The following INPP5A variants were observed in gnomAD, a reference collection of about 807,000 sequenced individuals.
The protein encoded by INPP5A is 43 kDa inositol polyphosphate 5-phophatase.
In INPP5A, 14 loss-of-function variants were observed where a neutral mutation model predicts 65.2. The ratio of observed to expected loss-of-function variants is 0.21; its 90% CI spans 0.14 to 0.34. INPP5A has a LOEUF of 0.34. Ranked by LOEUF, INPP5A falls within the 10% of genes least tolerant of loss-of-function variation. INPP5A has a pLI of 1.00. For synonymous variants in INPP5A, 207 were observed against 208.3 expected (o/e 0.99, Z 0.05); for missense variants, 431 against 545.6 (o/e 0.79, Z 2.09).
intron 4 of INPP5A, among the ~76,000 whole-genome samples, chr10:132,680,807 C>G (rs1173930507): frequency 6.6e-6 from 1 of 152,258 alleles, no homozygotes; most frequent in South Asian, 2.1e-4. Flanking sequence ...CCAGCAGCTG[C>G]GGAGGGTGTA....
intron 2 of INPP5A, among the ~76,000 whole-genome samples, chr10:132,639,308 C>CTT (rs201064482): frequency 7.1e-6 from 1 of 140,518 alleles, no homozygotes; most frequent in Non-Finnish European, 1.6e-5. Flanking sequence ...TCTGGGTTGA[C>CTT]TTTTTTTTTT....
intron 2 of INPP5A, among the ~76,000 whole-genome samples, chr10:132,622,227 G>A (rs1361778263): frequency 6.6e-6 from 1 of 152,364 alleles, no homozygotes; most frequent in Admixed American, 6.5e-5. Context: ...AAGAATCAGA[G>A]AAGATATAAA....
intron 12 of INPP5A, among the ~76,000 whole-genome samples, chr10:132,775,393 TCACTGCTG>T (rs1301179920): frequency 6.6e-6 from 1 of 152,024 alleles, no homozygotes; most frequent in Non-Finnish European, 1.5e-5. Context: ...CCCACGTCAG[TCACTGCTG>T]GGCAGCGTCC....
intron 9 of INPP5A, among the ~76,000 whole-genome samples, chr10:132,733,710 G>A (rs571630205): frequency 2.6e-5 from 4 of 152,290 alleles, no homozygotes; most frequent in Admixed American, 6.5e-5. Flanking sequence ...TGTGCTGAAC[G>A]CTGATGCCGG....
chr10:132,582,435 T>A (rs1234728733), intron 1 of INPP5A, among the ~76,000 whole-genome samples: 2 of 140,246 alleles, frequency 1.4e-5, no homozygotes, highest in African/African-American at 2.5e-5. Context: ...TTTTTTTTTT[T>A]AAAGAGACAG....
At chr10:132,763,542 CACAT>C in intron 11 of INPP5A, among the ~76,000 whole-genome samples, 2 of 152,340 alleles carry the variant, frequency 1.3e-5, no homozygotes, top group South Asian at 2.1e-4. Context: ...CATGCACACA[CACAT>C]AAACATGTGC....
At chr10:132,737,648 G>A (rs536355954) in intron 9 of INPP5A, among the ~76,000 whole-genome samples, 4 of 152,346 alleles carry the variant, frequency 2.6e-5, no homozygotes, top group Non-Finnish European at 4.4e-5. Context: ...CTTCCCTGAG[G>A]GTGGAGGTCA....
intron 9 of INPP5A, among the ~76,000 whole-genome samples, chr10:132,735,278 TC>T (rs1846156433): frequency 6.6e-6 from 1 of 152,210 alleles, no homozygotes; most frequent in African/African-American, 2.4e-5. Flanking sequence ...ATCTGTGCCC[TC>T]CTCTGGGGTG....
chr10:132,590,337 G>A (rs540250787), intron 1 of INPP5A, among the ~76,000 whole-genome samples: 173 of 152,248 alleles, frequency 1.1e-3, no homozygotes, highest in African/African-American at 3.9e-3. Context: ...GTTCTGTGTG[G>A]GGAGGGACAG....
chr10:132,692,123 C>T (rs1845278839), intron 5 of INPP5A, among the ~76,000 whole-genome samples: 1 of 152,042 alleles, frequency 6.6e-6, no homozygotes, highest in African/African-American at 2.4e-5. Context: ...CTGAGAAGGA[C>T]TCAAAAAGAA....
chr10:132,756,695 T>C (rs1846625329), intron 11 of INPP5A, among the ~76,000 whole-genome samples: 1 of 152,236 alleles, frequency 6.6e-6, no homozygotes, highest in East Asian at 1.9e-4. Flanking sequence ...CCCACACTTC[T>C]TACCATTACT....
intron 4 of INPP5A, among the ~76,000 whole-genome samples, chr10:132,672,218 A>G (rs549815144): frequency 2.6e-4 from 39 of 152,356 alleles, no homozygotes; most frequent in African/African-American, 8.4e-4. Flanking sequence ...ATCATGTGAC[A>G]TAAGATTTAT....
At position 132,699,035 on chromosome 10, in the gene INPP5A, C is replaced by T. The variant is rs918340159; in HGVS notation, c.474+1116C>T. On this transcript the variant is annotated intron_variant, in intron 6 of 15. Transcript: ENST00000368594. Reference sequence around the variant, plus strand: ...AGCCTCCTGTCCTCGGTCCTGCTTCCGGCACCGCCCGTTTGCCTCCCTCCG... The same window carrying T: ...AGCCTCCTGTCCTCGGTCCTGCTTCTGGCACCGCCCGTTTGCCTCCCTCCG... Among the ~76,000 whole-genome samples the T allele has an allele frequency of 3.3e-5, 5 of 152,342 alleles. No homozygotes were observed. The East Asian group carries it at 5.8e-4, about 18-fold the overall frequency.
rs552824564 is a variant in INPP5A, at chr10:132,662,265, A to T, written c.306+11760A>T. Among the ~76,000 whole-genome samples the T allele has an allele frequency of 2.0e-5, 3 of 152,292 alleles. No individual in the cohort carries two copies. The South Asian group carries it at 6.2e-4, about 32-fold the overall frequency. On this transcript the variant is annotated intron_variant, in intron 4 of 15. Coordinates refer to ENST00000368594, the MANE Select transcript of INPP5A (RefSeq NM_005539.5). ...CTTAAAAAAAACGTTGAAAATACAC[A>T]CACCGTATCACCCAGCCGTTTCCCT... is the stretch of plus-strand genomic sequence containing the variant.
At chr10:132,673,863 C>T (rs1442036541) in intron 4 of INPP5A, among the ~76,000 whole-genome samples, 19 of 152,236 alleles carry the variant, frequency 1.2e-4, no homozygotes. Flanking sequence ...AGGAATGGTG[C>T]CATATCAAGG....
chr10:132,776,448 G>A lies in INPP5A; in HGVS notation c.978-1223G>A, dbSNP rs1216517257. On this transcript the variant is annotated intron_variant, in intron 12 of 15. Coordinates refer to ENST00000368594, the MANE Select transcript of INPP5A (RefSeq NM_005539.5). ...GGGCATGGGAGGGGCTGCAGAATCCGCAGCTGAGGTGCCGGGATGGACCCG... is the reference window on the plus strand; with the variant it reads ...GGGCATGGGAGGGGCTGCAGAATCCACAGCTGAGGTGCCGGGATGGACCCG... Among the ~76,000 whole-genome samples the A allele has an allele frequency of 2.1e-4, 32 of 152,334 alleles. 1 individual carries two copies. The East Asian group carries it at 5.8e-3, about 28-fold the overall frequency.
intron 4 of INPP5A, among the ~76,000 whole-genome samples, chr10:132,653,090 C>T (rs1320141675): frequency 5.9e-5 from 9 of 152,178 alleles, no homozygotes; most frequent in South Asian, 2.1e-4. Flanking sequence ...AGAAGGCACC[C>T]GCGTGCTGGG....
Position 132,782,053 on chromosome 10 carries a change from C to T in INPP5A, c.*24C>T, listed in dbSNP as rs757829825. The T allele has an allele frequency of 6.4e-7, 1 of 1,574,030 alleles. No homozygotes were observed. Among genetic ancestry groups the T allele is most frequent in the Non-Finnish European group, 8.6e-7 (1 of 1,157,058 alleles). ...CCGTGACAGGGAAGAGATGCCAGCG[C>T]CACGAGAGGACACTTCGTGAGCCTC... On this transcript the variant is annotated 3_prime_UTR_variant, in exon 16 of 16. Coordinates refer to ENST00000368594, the MANE Select transcript of INPP5A (RefSeq NM_005539.5). This position sits in a 1 kb window ranked among gnomAD's most constrained non-coding sequence, Gnocchi z 4.4.
At chr10:132,768,619 T>C (rs899299877) in intron 12 of INPP5A, among the ~76,000 whole-genome samples, 1 of 152,196 alleles carries the variant, frequency 6.6e-6, no homozygotes, top group Admixed American at 6.5e-5. Context: ...TCCTGTGCTT[T>C]CCTGAAGGCT....
Sources: gnomAD v4.1 joint callset for allele counts (sites outside exome capture counted in the v4.1 genomes callset) on GRCh38, gnomAD v4.1.1 for gene constraint, Gnocchi (gnomAD v3.1) non-coding constraint, MANE v1.5 for transcripts, NCBI Gene and HGNC (gene_info 2026-07-23, HGNC 2026-07-21) for gene names.